ATP13A4: variants seen among roughly 807,000 people sequenced by gnomAD.
ATP13A4 encodes the protein probable cation-transporting ATPase 13A4.
ATP13A4 carries 114 observed loss-of-function variants against 142.5 expected under a neutral mutation model. That is an observed-to-expected ratio of 0.80 (90% CI 0.69 to 0.93). The LOEUF (loss-of-function observed/expected upper bound fraction) is 0.93, where lower values mean the gene tolerates loss of function less well. ATP13A4 is among the 40% of genes least tolerant of loss of function. The probability of loss-of-function intolerance (pLI) is 0.00; values close to 1 mark genes in which losing one functional copy is unlikely to be tolerated. For synonymous variants in ATP13A4, 488 were observed against 514.8 expected (o/e 0.95, Z 0.70); for missense variants, 1,392 against 1,454.0 (o/e 0.96, Z 0.69).
In ATP13A4 at chr3:193,424,599, G is replaced by A. The variant is rs185076458; in HGVS notation, c.2842+9246C>T. Among the ~76,000 whole-genome samples the A allele has an allele frequency of 5.1e-4, 76 of 149,664 alleles. 3 individuals are homozygous for A. The highest frequency in any genetic ancestry group is 1.8e-3 in the African/African-American group (74 of 40,898). On this transcript the variant is annotated intron_variant, in intron 25 of 29. Transcript: ENST00000342695. ...GAAAGCACCGTCTCCTCAATGAATG[G>A]TGCTGAGAAAATTGGTTATCGATGC...
chr3:193,461,027 C>T (rs770858470), intron 13 of ATP13A4, among the ~76,000 whole-genome samples: 5 of 151,824 alleles, frequency 3.3e-5, no homozygotes, highest in Non-Finnish European at 5.9e-5. Flanking sequence ...TTAAATTTGT[C>T]ATTTTTTATT....
rs1714246874 is a variant in ATP13A4, at chr3:193,401,125, CA to C, written c.*1526del. 6.6e-6 allele frequency among the ~76,000 whole-genome samples: 1 copy of C among 152,148 alleles called. No individual in the cohort carries two copies. Among genetic ancestry groups the C allele is most frequent in the South Asian group, 2.1e-4 (1 of 4,826 alleles). ...CTCAGTTAGGGGGAAGGAATGCTTGCAAATGCTATTGATAAGTTCCAAAGCC... is the reference window on the plus strand; with the variant it reads ...CTCAGTTAGGGGGAAGGAATGCTTGCAATGCTATTGATAAGTTCCAAAGCC... On this transcript the variant is annotated 3_prime_UTR_variant, in exon 30 of 30. Coordinates refer to ENST00000342695, the MANE Select transcript of ATP13A4 (RefSeq NM_032279.4).
At chr3:193,514,420 T>A (rs1463595455) in intron 2 of ATP13A4, among the ~76,000 whole-genome samples, 1 of 152,228 alleles carries the variant, frequency 6.6e-6, no homozygotes, top group Non-Finnish European at 1.5e-5. Context: ...TTTCGTTCTT[T>A]ATTATGGCTG....
At chr3:193,480,734 C>G (rs567514556) in intron 8 of ATP13A4, among the ~76,000 whole-genome samples, 16 of 152,178 alleles carry the variant, frequency 1.1e-4, no homozygotes, top group African/African-American at 3.9e-4. Flanking sequence ...CCTTAAAGAA[C>G]TAAAAGTAAA....
At chr3:193,535,334 A>G (rs890498923) in intron 1 of ATP13A4, among the ~76,000 whole-genome samples, 1 of 152,192 alleles carries the variant, frequency 6.6e-6, no homozygotes, top group African/African-American at 2.4e-5. Context: ...GTCATATAAC[A>G]TCTTCTCCAA....
chr3:193,454,043 C>T (rs1032689170), intron 17 of ATP13A4, 58 bp downstream of exon 17: 9 of 1,454,808 alleles, frequency 6.2e-6, no homozygotes, highest in Non-Finnish European at 8.7e-6. Context: ...CTTGACATTC[C>T]AACCTGGTAC....
chr3:193,458,978 A>T, intron 14 of ATP13A4, 103 bp downstream of exon 14: 3 of 1,528,190 alleles, frequency 2.0e-6, no homozygotes, highest in Non-Finnish European at 2.7e-6. Flanking sequence ...TGTACTCCAC[A>T]TTGGAAACCT....
chr3:193,440,044 ATGGAGACCC>A (rs1220736961), intron 21 of ATP13A4: 1 of 167,984 alleles, frequency 6.0e-6, no homozygotes, highest in Non-Finnish European at 1.3e-5. Flanking sequence ...CTGTCTAGGA[ATGGAGACCC>A]TTTGTGTTAG....
chr3:193,424,570 T>G (rs1422186285), intron 25 of ATP13A4, among the ~76,000 whole-genome samples: 1 of 149,316 alleles, frequency 6.7e-6, no homozygotes, highest in Non-Finnish European at 1.5e-5. Flanking sequence ...GAACACACAT[T>G]AGGGAAAGCA....
At position 193,416,770 on chromosome 3, in the gene ATP13A4, C is replaced by T. The variant is rs539278137; in HGVS notation, c.2843-2020G>A. ...ACCAACATGTACGTTGTGGGAGTAT[C>T]GGAAGGAGAGAAGAGAAAGAGACAA... On this transcript the variant is annotated intron_variant, in intron 25 of 29. Transcript: ENST00000342695. Among the ~76,000 whole-genome samples the T allele has an allele frequency of 1.6e-4, 25 of 151,890 alleles. No individual in the cohort carries two copies. The East Asian group carries it at 2.3e-3, about 14-fold the overall frequency.
At chr3:193,582,614 TTA>T (rs1394129108) in intron 1 of ATP13A4, among the ~76,000 whole-genome samples, 1 of 103,374 alleles carries the variant, frequency 9.7e-6, no homozygotes, top group Admixed American at 1.1e-4. Flanking sequence ...TACATGTATA[TTA>T]TATATGTATA....
At chr3:193,448,069 C>T in intron 18 of ATP13A4, 137 bp downstream of exon 18, 1 of 1,174,962 alleles carries the variant, frequency 8.5e-7, no homozygotes, top group Non-Finnish European at 1.2e-6. Context: ...GTAAATGTGC[C>T]TTTTTGTTGC....
chr3:193,469,196 A>C lies in ATP13A4; in HGVS notation c.943+1663T>G, dbSNP rs1023072187. ...ATGGAGGAAGAGGAGCAGCAGAAGA[A>C]ACTGAATGGGTATAGTCAGTGGTAG... is the stretch of plus-strand genomic sequence containing the variant. On this transcript the variant is annotated intron_variant, in intron 9 of 29. Coordinates refer to ENST00000342695, the MANE Select transcript of ATP13A4 (RefSeq NM_032279.4). Among the ~76,000 whole-genome samples the C allele has an allele frequency of 7.2e-5, 11 of 152,364 alleles. No individual in the cohort carries two copies. The East Asian group carries it at 1.7e-3, about 24-fold the overall frequency.
intron 1 of ATP13A4, among the ~76,000 whole-genome samples, chr3:193,551,265 T>C (rs139780878): frequency 0.026 from 3,971 of 152,098 alleles, 54 homozygotes; most frequent in East Asian, 0.032. Context: ...TACAAAAAAT[T>C]AGCCAGGCAT....
chr3:193,542,405 A>T (rs773925596), intron 1 of ATP13A4, among the ~76,000 whole-genome samples: 1 of 152,126 alleles, frequency 6.6e-6, no homozygotes, highest in Non-Finnish European at 1.5e-5. Context: ...GCCCAAAGTA[A>T]TTTATAGATT....
At chr3:193,563,650 A>C (rs1347700345) in intron 2 of ATP13A4, among the ~76,000 whole-genome samples, 1 of 152,240 alleles carries the variant, frequency 6.6e-6, no homozygotes, top group African/African-American at 2.4e-5. Context: ...TGGGCAATAG[A>C]CTGAGAGTGT....
At chr3:193,436,010 C>A (rs1191371571) in intron 23 of ATP13A4, among the ~76,000 whole-genome samples, 1 of 152,198 alleles carries the variant, frequency 6.6e-6, no homozygotes, top group Non-Finnish European at 1.5e-5. Context: ...CTTGTCCTTT[C>A]AGCAGGCATT....
chr3:193,441,013 C>CTA lies in ATP13A4; in HGVS notation c.2440-377_2440-376insTA, dbSNP rs770277227. Among the ~76,000 whole-genome samples, 486 of 150,268 alleles carry CTA rather than the reference C, an allele frequency of 3.2e-3. 2 individuals are homozygous for CTA. Among genetic ancestry groups the CTA allele is most frequent in the Non-Finnish European group, 5.3e-3 (357 of 67,452 alleles). On this transcript the variant is annotated intron_variant, in intron 20 of 29. Transcript: ENST00000342695. ...AAACTATCGATCTATCTCTCTCTCTCTCTCTATATATATATATCTAAAACT... is the reference window on the plus strand; with the variant it reads ...AAACTATCGATCTATCTCTCTCTCTCTATCTCTATATATATATATCTAAAACT...
chr3:193,427,909 G>C (rs1460414346), intron 25 of ATP13A4, among the ~76,000 whole-genome samples: 6 of 152,132 alleles, frequency 3.9e-5, no homozygotes, highest in African/African-American at 1.2e-4. Flanking sequence ...AACAACAAAA[G>C]CAATGGCAAC....
Sources: allele counts gnomAD v4.1 joint callset (sites outside exome capture counted in the v4.1 genomes callset), GRCh38; gene constraint gnomAD v4.1.1; transcripts MANE v1.5; gene names NCBI Gene and HGNC (gene_info 2026-07-23, HGNC 2026-07-21).